The following NECTIN3 variants were observed in gnomAD, a reference collection of about 807,000 sequenced individuals.
The protein encoded by NECTIN3 is nectin cell adhesion molecule 3, also known as nectin-3.
Under a neutral mutation model 49.4 loss-of-function variants are expected in NECTIN3, and 8 were observed. That is an observed-to-expected ratio of 0.16 (90% confidence interval 0.10 to 0.29). NECTIN3 has a LOEUF of 0.29. Ranked by LOEUF, NECTIN3 falls within the 10% of genes least tolerant of loss-of-function variation. The probability of loss-of-function intolerance (pLI) is 1.00; values close to 1 mark genes in which losing one functional copy is unlikely to be tolerated. For synonymous variants in NECTIN3, 277 were observed against 241.1 expected, an observed-to-expected ratio of 1.15 and a Z score of -1.38; for missense variants, 581 against 654.6, an observed-to-expected ratio of 0.89 and a Z score of 1.23.
chr3:111,125,022 C>CTTTTTTTTTTTTTTTTTTTTT (rs869201432), intron 4 of NECTIN3, among the ~76,000 whole-genome samples: 1 of 90,210 alleles, frequency 1.1e-5, no homozygotes, highest in Non-Finnish European at 2.0e-5. Context: ...TCTTTTCTTT[C>CTTTTTTTTTTTTTTTTTTTTT]TTTTTTTTTT....
At chr3:111,185,066 G>T (rs9832604) in intron 7 of NECTIN3, among the ~76,000 whole-genome samples, 5,366 of 152,296 alleles carry the variant, frequency 0.035, 154 homozygotes, top group Admixed American at 0.075. Flanking sequence ...TTCTCCAACA[G>T]TTATTCTTTG....
chr3:111,103,561 G>A (rs1409347585), intron 1 of NECTIN3, among the ~76,000 whole-genome samples: 5 of 151,182 alleles, frequency 3.3e-5, no homozygotes, highest in South Asian at 2.1e-4. Context: ...TGATTAGAAA[G>A]GAAGTTTTAT....
At chr3:111,074,906 T>C (rs2031068738) in intron 1 of NECTIN3, 1 of 151,992 alleles carries the variant, frequency 6.6e-6, no homozygotes, top group Non-Finnish European at 1.5e-5. Flanking sequence ...GAGAATATTA[T>C]CATGGGTATG....
At chr3:111,083,811 G>T (rs1273388358) in intron 1 of NECTIN3, among the ~76,000 whole-genome samples, 1 of 152,154 alleles carries the variant, frequency 6.6e-6, no homozygotes, top group Non-Finnish European at 1.5e-5. Context: ...ATATTGAGGG[G>T]CAGTTTGTTA....
downstream of NECTIN3, among the ~76,000 whole-genome samples, chr3:111,140,751 G>A (rs1010907378): frequency 6.6e-6 from 1 of 151,756 alleles, no homozygotes; most frequent in African/African-American, 2.4e-5. Flanking sequence ...CAAGTGAAGG[G>A]CTGTCTACTT....
rs2033826330 is a variant in NECTIN3, at chr3:111,118,945, C to T, written c.792C>T (p.Asp264=). ...ACATCCGATACTCTTTCATATTAGA[C>T]ATACAGTGTAAGTAAATGGTAACAT... ...EKDIRYSFIL[D]IQYAPEVSVT... The change falls in exon 3 of 6, where the codon GAC becomes GAT. Residue 264 remains aspartate (D), a synonymous_variant. Transcript: ENST00000485303. 1.2e-6 allele frequency: 2 copies of T among 1,608,326 alleles called. No individual in the cohort carries two copies. Among genetic ancestry groups the T allele is most frequent in the African/African-American group, 1.3e-5 (1 of 74,882 alleles).
intron 7 of NECTIN3, among the ~76,000 whole-genome samples, chr3:111,166,316 A>G (rs968313332): frequency 1.3e-5 from 2 of 152,174 alleles, no homozygotes; most frequent in Non-Finnish European, 1.5e-5. Flanking sequence ...CCAAGTACCT[A>G]GAAAGAGGGG....
chr3:111,120,225 G>A (rs925168099), intron 3 of NECTIN3, among the ~76,000 whole-genome samples: 2 of 151,766 alleles, frequency 1.3e-5, no homozygotes, highest in African/African-American at 4.8e-5. Context: ...GTCTAATAAT[G>A]ACTGATATTT....
At chr3:111,152,032 A>G (rs1052797608) in intron 7 of NECTIN3, among the ~76,000 whole-genome samples, 3 of 151,894 alleles carry the variant, frequency 2.0e-5, no homozygotes, top group African/African-American at 7.2e-5. Flanking sequence ...ACCTTGTTAC[A>G]TATCTTGCCA....
At chr3:111,086,543 A>C (rs1270494407) in intron 1 of NECTIN3, among the ~76,000 whole-genome samples, 1 of 152,202 alleles carries the variant, frequency 6.6e-6, no homozygotes, top group Admixed American at 6.5e-5. Context: ...TGGCTTTATA[A>C]TAAATCAAGT....
chr3:111,142,135 T>C (rs568979761), downstream of NECTIN3, among the ~76,000 whole-genome samples: 1 of 151,978 alleles, frequency 6.6e-6, no homozygotes, highest in African/African-American at 2.4e-5. Context: ...TCCTTTGCTT[T>C]CATACTGGTT....
chr3:111,098,571 G>A (rs1433592738), intron 1 of NECTIN3, among the ~76,000 whole-genome samples: 1 of 152,094 alleles, frequency 6.6e-6, no homozygotes, highest in Non-Finnish European at 1.5e-5. Context: ...AAGGACACTT[G>A]TCATTGGATT....
chr3:111,102,816 A>G (rs1576102586), intron 1 of NECTIN3, among the ~76,000 whole-genome samples: 1 of 152,088 alleles, frequency 6.6e-6, no homozygotes, highest in South Asian at 2.1e-4. Context: ...TTTCAAGTTA[A>G]TTTTTGTGAA....
intron 7 of NECTIN3, among the ~76,000 whole-genome samples, chr3:111,158,891 A>G (rs1166610742): frequency 6.6e-6 from 1 of 152,208 alleles, no homozygotes; most frequent in African/African-American, 2.4e-5. Flanking sequence ...TTACAACTCA[A>G]TAGGAAGACA....
chr3:111,152,520 C>T (rs2035021332), intron 7 of NECTIN3, among the ~76,000 whole-genome samples: 1 of 151,638 alleles, frequency 6.6e-6, no homozygotes, highest in Admixed American at 6.6e-5. Flanking sequence ...CCATTTTTTC[C>T]TGCAAATTGT....
intron 1 of NECTIN3, among the ~76,000 whole-genome samples, chr3:111,105,578 T>G (rs2126713): frequency 0.71 from 107,430 of 152,028 alleles, 43,635 homozygotes; most frequent in Non-Finnish European, 0.93. Context: ...AAACACCCTT[T>G]TCATAGTAGC....
intron 7 of NECTIN3, among the ~76,000 whole-genome samples, chr3:111,151,283 G>A (rs2034995611): frequency 6.6e-6 from 1 of 151,744 alleles, no homozygotes; most frequent in African/African-American, 2.4e-5. Context: ...GTAGGTAAAG[G>A]AATCAAGCCC....
At chr3:111,115,251 A>T (rs536626342) in intron 2 of NECTIN3, among the ~76,000 whole-genome samples, 1 of 152,316 alleles carries the variant, frequency 6.6e-6, no homozygotes, top group South Asian at 2.1e-4. Flanking sequence ...AACACTGAAT[A>T]AGTAATTTAT....
chr3:111,072,143 G>T lies in NECTIN3; in HGVS notation c.126G>T (p.Leu42=). 1 of 1,551,094 alleles carries T rather than the reference G, an allele frequency of 6.4e-7. No homozygotes were observed. The highest frequency in any genetic ancestry group is 8.7e-7 in the Non-Finnish European group (1 of 1,147,432). The change falls in exon 1 of 6, where the codon CTG becomes CTT. Residue 42 remains leucine (L), a synonymous_variant. Coordinates refer to ENST00000485303, the MANE Select transcript of NECTIN3 (RefSeq NM_015480.3). ...QPPTPPPLLL[L]LFPLLLFSRL... is the part of the protein sequence containing the mutation. ...CGACGCCACCTCCGCTGCTGCTGCT[G>T]CTCTTCCCGCTGCTGCTCTTCTCCA...
Sources: gnomAD v4.1 joint callset for allele counts (sites outside exome capture counted in the v4.1 genomes callset) on GRCh38, gnomAD v4.1.1 for gene constraint, MANE v1.5 for transcripts, NCBI Gene and HGNC (gene_info 2026-07-23, HGNC 2026-07-21) for gene names.